The following ZNF609 variants were observed in gnomAD, a reference collection of about 807,000 sequenced individuals.
The protein encoded by ZNF609 is zinc finger protein 609.
In ZNF609, 11 loss-of-function variants were observed where a neutral mutation model predicts 109.5. That is an observed-to-expected ratio of 0.10 (90% CI 0.06 to 0.17). The LOEUF is 0.17. Among genes scored for constraint, ZNF609 ranks in the 10% least tolerant of loss-of-function variants. The pLI is 1.00. For missense variants in ZNF609, 1,559 were observed against 1,772.4 expected, an observed-to-expected ratio of 0.88 and a Z score of 2.16; for synonymous variants, 646 against 662.0, an observed-to-expected ratio of 0.98 and a Z score of 0.37.
chr15:64,600,276 C>CTGTCT (rs1464700257), intron 2 of ZNF609, among the ~76,000 whole-genome samples: 9 of 151,752 alleles, frequency 5.9e-5, no homozygotes, highest in Non-Finnish European at 1.3e-4. Flanking sequence ...CGGTGAAACC[C>CTGTCT]TGTCTCTACT....
At position 64,682,364 on chromosome 15, in the gene ZNF609, C is replaced by G. The variant is rs1020913667; in HGVS notation, c.*678C>G. On this transcript the variant is annotated 3_prime_UTR_variant, in exon 10 of 10. Transcript: ENST00000326648. The stretch of plus-strand genomic sequence containing the variant: ...AGGAAGACCAAGGCATCTGCCCCAA[C>G]ATGGCCTTGAGCTGCCTGTGAGGCA... 1 of 152,724 alleles carries G rather than the reference C, an allele frequency of 6.5e-6. No individual in the cohort carries two copies. The highest frequency in any genetic ancestry group is 1.5e-5 in the Non-Finnish European group (1 of 68,072). The allele number at this position is 152,724 out of a possible 1,614,324, so 9.5% of individuals were successfully genotyped here. A position where few individuals can be genotyped will look rare whatever the true frequency, so the allele number is the denominator to read the frequency against.
At chr15:64,628,796 T>C (rs1391797663) in intron 3 of ZNF609, among the ~76,000 whole-genome samples, 1 of 152,086 alleles carries the variant, frequency 6.6e-6, no homozygotes, top group Non-Finnish European at 1.5e-5. Context: ...TGGCTAATTT[T>C]GTATTTTCAG....
intron 3 of ZNF609, among the ~76,000 whole-genome samples, chr15:64,640,134 G>A (rs987039736): frequency 1.3e-5 from 2 of 152,074 alleles, no homozygotes; most frequent in African/African-American, 4.8e-5. Flanking sequence ...TGTTGGCCAG[G>A]ATGGTGTTGA....
chr15:64,650,491 T>G (rs1239529592), intron 3 of ZNF609, among the ~76,000 whole-genome samples: 5 of 151,898 alleles, frequency 3.3e-5, no homozygotes, highest in Non-Finnish European at 5.9e-5. Flanking sequence ...AGTTCAGTCA[T>G]GACAGACAAC....
chr15:64,680,141 C>T (rs751667965), intron 6 of ZNF609, 44 bp from the exon 7 acceptor site: 1 of 1,602,170 alleles, frequency 6.2e-7, no homozygotes, highest in South Asian at 1.1e-5. Flanking sequence ...AGAGTTTCCT[C>T]TACCTCTCCC....
intron 2 of ZNF609, among the ~76,000 whole-genome samples, chr15:64,589,084 TC>T (rs1167674071): frequency 6.6e-6 from 1 of 152,208 alleles, no homozygotes; most frequent in Non-Finnish European, 1.5e-5. Context: ...ACTAGCTAGT[TC>T]CATTTTAGCT....
rs1567019579 is a variant in ZNF609 at position 64,577,598 on chromosome 15, TAA to T, written c.748-45227_748-45226del. Reference sequence around the variant, plus strand: ...ATATATATGTGTATATATACACATATAAATATATACATATATATGTGTATATA... The same window carrying T: ...ATATATATGTGTATATATACACATATATATATACATATATATGTGTATATA... On this transcript the variant is annotated intron_variant, in intron 2 of 9. Transcript: ENST00000326648. Among the ~76,000 whole-genome samples, 37 of 10,048 alleles carry T rather than the reference TAA, an allele frequency of 3.7e-3. 1 individual carries two copies. The highest frequency in any genetic ancestry group is 7.6e-3 in the Non-Finnish European group (21 of 2,750). The allele number at this position is 10,048 out of a possible 152,430, so 6.6% of individuals were successfully genotyped here.
chr15:64,614,618 A>G (rs897593104), intron 2 of ZNF609, among the ~76,000 whole-genome samples: 7 of 152,134 alleles, frequency 4.6e-5, no homozygotes, highest in African/African-American at 1.7e-4. Flanking sequence ...ATAACCCACA[A>G]TAAGAATTTG....
intron 1 of ZNF609, among the ~76,000 whole-genome samples, chr15:64,476,435 G>A (rs184199179): frequency 2.0e-4 from 30 of 152,234 alleles, no homozygotes; most frequent in African/African-American, 6.5e-4. Flanking sequence ...AAGAGGGTTA[G>A]GTAGGAGAGG....
At chr15:64,491,787 G>A (rs1487733108) in intron 1 of ZNF609, among the ~76,000 whole-genome samples, 1 of 152,154 alleles carries the variant, frequency 6.6e-6, no homozygotes, top group Admixed American at 6.5e-5. Flanking sequence ...GGAGGTTGCA[G>A]TGAGCTGAGA....
chr15:64,481,571 C>T (rs918946258), intron 1 of ZNF609, among the ~76,000 whole-genome samples: 2 of 151,336 alleles, frequency 1.3e-5, no homozygotes, highest in Non-Finnish European at 3.0e-5. Context: ...CCGCCTGCCT[C>T]GGCCTCCCAA....
intron 2 of ZNF609, among the ~76,000 whole-genome samples, chr15:64,582,717 TTTTTTC>T (rs1166694055): frequency 1.1e-3 from 41 of 36,476 alleles, no homozygotes; most frequent in South Asian, 2.7e-3. Context: ...TCTTTCTTTC[TTTTTTC>T]TTTTTTTTTT....
chr15:64,491,614 T>C (rs962195038), intron 1 of ZNF609, among the ~76,000 whole-genome samples: 11 of 151,050 alleles, frequency 7.3e-5, no homozygotes, highest in African/African-American at 2.7e-4. Context: ...TTTGGGAGGC[T>C]GAGGTGGGCA....
chr15:64,609,896 C>T (rs1895689950), intron 2 of ZNF609, among the ~76,000 whole-genome samples: 1 of 151,646 alleles, frequency 6.6e-6, no homozygotes, highest in Non-Finnish European at 1.5e-5. Flanking sequence ...AGTGTGGTGG[C>T]ATGCACCTGT....
At chr15:64,681,500 T>C in intron 9 of ZNF609, 113 bp downstream of exon 9, 1 of 871,128 alleles carries the variant, frequency 1.1e-6, no homozygotes, top group Non-Finnish European at 1.8e-6. Context: ...CTGGAATCCA[T>C]GGAACCCTGG....
At chr15:64,469,193 G>T (rs1463435497) in intron 1 of ZNF609, among the ~76,000 whole-genome samples, 1 of 151,828 alleles carries the variant, frequency 6.6e-6, no homozygotes, top group African/African-American at 2.4e-5. Flanking sequence ...AACTTGGGAG[G>T]TAGAAGTTGC....
chr15:64,563,716 C>G (rs1466729199), intron 2 of ZNF609, among the ~76,000 whole-genome samples: 1 of 151,802 alleles, frequency 6.6e-6, no homozygotes, highest in African/African-American at 2.4e-5. Flanking sequence ...GCAGAAGTTG[C>G]GGTGAGCCAA....
chr15:64,675,380 C>T lies in ZNF609; in HGVS notation c.2526C>T (p.Ser842=), dbSNP rs368347235. The change falls in exon 5 of 10, where the codon AGC becomes AGT. Residue 842 remains serine, a synonymous_variant. Transcript: ENST00000326648. Reference sequence around the variant, plus strand: ...AAGCCAGCTCAGTCAAAACCAACAGCCCTGCATACTCTGACATCTCTGATG... The same window carrying T: ...AAGCCAGCTCAGTCAAAACCAACAGTCCTGCATACTCTGACATCTCTGATG... The part of the protein sequence containing the change: ...GAEASSVKTN[S]PAYSDISDAG... The T allele has an allele frequency of 1.9e-5, 30 of 1,613,982 alleles. No individual in the cohort carries two copies. The highest frequency in any genetic ancestry group is 3.4e-6 in the Non-Finnish European group (4 of 1,180,012).
intron 1 of ZNF609, among the ~76,000 whole-genome samples, chr15:64,494,476 C>A (rs1039900709): frequency 6.6e-6 from 1 of 152,020 alleles, no homozygotes; most frequent in Admixed American, 6.6e-5. Context: ...CTCTTTCTAC[C>A]CTCAGAGTCA....
Sources: allele counts gnomAD v4.1 joint callset (sites outside exome capture counted in the v4.1 genomes callset), GRCh38; gene constraint gnomAD v4.1.1; transcripts MANE v1.5; gene names NCBI Gene and HGNC (gene_info 2026-07-23, HGNC 2026-07-21).